PHKG1: variants seen among roughly 807,000 people sequenced by gnomAD.
The protein encoded by PHKG1 is phosphorylase b kinase gamma catalytic chain, skeletal muscle/heart isoform.
PHKG1 carries 48 observed loss-of-function variants against 50.5 expected under a neutral mutation model. That is an observed-to-expected ratio of 0.95 (90% CI 0.75 to 1.21). The LOEUF (loss-of-function observed/expected upper bound fraction) is 1.21, where lower values mean the gene tolerates loss of function less well. Among genes scored for constraint, PHKG1 ranks in the 50% most tolerant of loss-of-function variants. PHKG1 has a pLI of 0.00. For synonymous variants in PHKG1, 204 were observed against 212.8 expected (o/e 0.96, Z 0.36); for missense variants, 487 against 519.5 (o/e 0.94, Z 0.61).
rs759785327 is a variant in PHKG1 at position 56,082,026 on chromosome 7, A to C, written c.659T>G (p.Met220Arg). 6.2e-7 allele frequency: 1 copy of C among 1,613,654 alleles called. No homozygotes were observed. Reference protein sequence around the residue: ...EVDMWSTGVIMYTLLAGSPPF... With the variant: ...EVDMWSTGVIRYTLLAGSPPF... The stretch of plus-strand genomic sequence containing the variant: ...CGGGGAGCCGGCCAGCAGCGTGTAC[A>C]TGATGACGCCAGTGCTCCACCTGGA... The change falls in exon 8 of 10, where the codon ATG becomes AGG. Residue 220 changes from methionine (M) to arginine (R), a missense_variant. Transcript: ENST00000297373.
chr7:56,088,863 C>T lies in PHKG1; in HGVS notation c.79G>A (p.Gly27Ser). 1 of 1,611,608 alleles carries T rather than the reference C, an allele frequency of 6.2e-7. No individual in the cohort carries two copies. The highest frequency in any genetic ancestry group is 8.5e-7 in the Non-Finnish European group (1 of 1,178,448). ...TGGGGAAAGCTTGGGCTTTACCTGC[C>T]CAGGATCTCTTTGGGCTCATAATTC... Reference protein sequence around the residue: ...YENYEPKEILGRGVSSVVRRC... With the variant: ...YENYEPKEILSRGVSSVVRRC... Residue 27 changes from glycine to serine, a missense_variant, in exon 2 of 10, where the codon GGC (glycine) becomes AGC (serine). Gly to Ser is a moderately conservative substitution (Grantham distance 56, BLOSUM62 0). Transcript: ENST00000297373.
rs775045327 is a variant in PHKG1 at position 56,087,773 on chromosome 7, G to C, written c.87C>G (p.Gly29=). 6.2e-7 allele frequency: 1 copy of C among 1,610,074 alleles called. No homozygotes were observed. The highest frequency in any genetic ancestry group is 1.1e-5 in the South Asian group (1 of 91,058). ...NYEPKEILGR[G]VSSVVRRCIH... ...TGCATCGCCTGACCACACTGCTAAC[G>C]CCCCTGGGAGTGCAGAGGACAGATG... The change falls in exon 3 of 10, where the codon GGC becomes GGG. Residue 29 remains glycine (G), a synonymous_variant. Coordinates refer to ENST00000297373, the MANE Select transcript of PHKG1 (RefSeq NM_006213.5).
Position 56,086,258 on chromosome 7 carries a change from A to AC in PHKG1, c.317+711dup, listed in dbSNP as rs538769654. ...CCAAGACCCCCAGTGGATGCCTGAAACCATGGATAGCACTGAAGCCTATAC... is the reference window on the plus strand; with the variant it reads ...CCAAGACCCCCAGTGGATGCCTGAAACCCATGGATAGCACTGAAGCCTATAC... On this transcript the variant is annotated intron_variant, in intron 4 of 9. Coordinates refer to ENST00000297373, the MANE Select transcript of PHKG1 (RefSeq NM_006213.5). 2.6e-4 allele frequency among the ~76,000 whole-genome samples: 39 copies of AC among 152,184 alleles called. 2 individuals carry two copies. The South Asian group carries it at 7.9e-3, about 31-fold the overall frequency.
intron 1 of PHKG1, 60 bp downstream of exon 1, chr7:56,092,776 A>C (rs1796537417): frequency 6.6e-6 from 1 of 152,166 alleles, no homozygotes; most frequent in Admixed American, 6.6e-5. Flanking sequence ...CTCCACCCCC[A>C]GTCCTCCCCG....
intron 7 of PHKG1, 29 bp downstream of exon 7, chr7:56,082,134 G>C (rs766789055): frequency 6.2e-7 from 1 of 1,612,450 alleles, no homozygotes; most frequent in African/African-American, 1.3e-5. Flanking sequence ...CAGCCTAGCT[G>C]GGTGCTCCTC....
chr7:56,082,001 C>T lies in PHKG1; in HGVS notation c.684G>A (p.Pro228=), dbSNP rs370632474. 25 of 1,613,886 alleles carry T rather than the reference C, an allele frequency of 1.5e-5. No individual in the cohort carries two copies. Among genetic ancestry groups the T allele is most frequent in the East Asian group, 1.1e-4 (5 of 44,874 alleles). The part of the protein sequence containing the change: ...VIMYTLLAGS[P]PFWHRKQMLM... ...GCATCTGCTTCCGGTGCCAGAAGGG[C>T]GGGGAGCCGGCCAGCAGCGTGTACA... Residue 228 remains proline, a synonymous_variant, in exon 8 of 10, where the codon CCG becomes CCA. Transcript: ENST00000297373.
At position 56,081,669 on chromosome 7, in the gene PHKG1, C is replaced by T. The variant is rs11238393; in HGVS notation, c.879G>A (p.Val293=). The change falls in exon 9 of 10, where the codon GTG becomes GTA. Residue 293 remains valine, a synonymous_variant. Transcript: ENST00000297373. The surrounding 1 kb of genome is among the most constrained non-coding windows in gnomAD (Gnocchi z 4.6). ...LAHPFFQQYL[V]EEVRHFSPRG... Reference sequence around the variant, plus strand: ...GGGGGCTGAAGTGCCGCACTTCCTCCACCAAGTACTGCTGGAAGAAGGGGT... The same window carrying T: ...GGGGGCTGAAGTGCCGCACTTCCTCTACCAAGTACTGCTGGAAGAAGGGGT... The T allele has an allele frequency of 0.21, 337,622 of 1,613,168 alleles. 37,079 individuals are homozygous for T. The highest frequency in any genetic ancestry group is 0.26 in the Middle Eastern group (1,524 of 5,942).
chr7:56,086,254 T>C (rs1796246003), intron 4 of PHKG1, among the ~76,000 whole-genome samples: 1 of 152,052 alleles, frequency 6.6e-6, no homozygotes, highest in Non-Finnish European at 1.5e-5. Flanking sequence ...AGTGGATGCC[T>C]GAAACCATGG....
At chr7:56,087,195 T>TTA (rs1233050326) in intron 3 of PHKG1, among the ~76,000 whole-genome samples, 171 bp from the exon 4 acceptor site, 1 of 18,336 alleles carries the variant, frequency 5.5e-5, no homozygotes, top group South Asian at 1.2e-3. Context: ...CCCAGGGACT[T>TTA]TATTATTATT....
chr7:56,081,518 G>T lies in PHKG1; in HGVS notation c.918+112C>A. Reference sequence around the variant, plus strand: ...GAAGCCATCACAGGGCAGCTGGGAGGGGAGGGATGGGTACTCTGGAAATTC... The same window carrying T: ...GAAGCCATCACAGGGCAGCTGGGAGTGGAGGGATGGGTACTCTGGAAATTC... On this transcript the variant is annotated intron_variant, in intron 9 of 9. Coordinates refer to ENST00000297373, the MANE Select transcript of PHKG1 (RefSeq NM_006213.5). The surrounding 1 kb of genome is among the most constrained non-coding windows in gnomAD (Gnocchi z 4.6). 1 of 1,336,194 alleles carries T rather than the reference G, an allele frequency of 7.5e-7. No homozygotes were observed. The highest frequency in any genetic ancestry group is 1.0e-6 in the Non-Finnish European group (1 of 960,056). The allele number at this position is 1,336,194 out of a possible 1,614,324, so 82.8% of individuals were successfully genotyped here.
chr7:56,084,235 G>C (rs776449640), intron 4 of PHKG1: 165 of 1,526,640 alleles, frequency 1.1e-4, no homozygotes, highest in Admixed American at 1.6e-4. Flanking sequence ...TTGTATCAGT[G>C]TCTTCCCATC....
In PHKG1 at chr7:56,081,957, A is replaced by T. The variant is rs757583640; in HGVS notation, c.728T>A (p.Met243Lys). ...RKQMLMLRMI[M>K]SGNYQFGSPE... ...CGAGCCAAACTGGTAGTTGCCGCTCATGATCATCCTCAGCATCAGCATCTG... is the reference window on the plus strand; with the variant it reads ...CGAGCCAAACTGGTAGTTGCCGCTCTTGATCATCCTCAGCATCAGCATCTG... The change falls in exon 8 of 10, where the codon ATG becomes AAG. Residue 243 changes from methionine (M) to lysine (K), a missense_variant. By Grantham distance (95) the Met-to-Lys change is moderately conservative. Transcript: ENST00000297373. This position sits in a 1 kb window ranked among gnomAD's most constrained non-coding sequence, Gnocchi z 4.6. 2.5e-6 allele frequency: 4 copies of T among 1,613,962 alleles called. No homozygotes were observed. The highest frequency in any genetic ancestry group is 2.5e-6 in the Non-Finnish European group (3 of 1,180,024).
intron 4 of PHKG1, chr7:56,084,155 CT>C (rs1796149078): frequency 2.6e-6 from 4 of 1,526,192 alleles, no homozygotes; most frequent in Non-Finnish European, 3.5e-6. Context: ...GTACCTTGCC[CT>C]GCCCTGGGCC....
chr7:56,081,966 C>G lies in PHKG1; in HGVS notation c.719G>C (p.Arg240Thr). 2 of 1,613,928 alleles carry G rather than the reference C, an allele frequency of 1.2e-6. No homozygotes were observed. ...CTGGTAGTTGCCGCTCATGATCATC[C>G]TCAGCATCAGCATCTGCTTCCGGTG... ...FWHRKQMLML[R>T]MIMSGNYQFG... Residue 240 changes from arginine (R) to threonine (T), a missense_variant, in exon 8 of 10, where the codon AGG becomes ACG. Physicochemically the swap from Arg to Thr is moderately conservative, Grantham distance 71 (BLOSUM62 -1). Transcript: ENST00000297373. This position sits in a 1 kb window ranked among gnomAD's most constrained non-coding sequence, Gnocchi z 4.6.
rs1796157177 is a variant in PHKG1 at position 56,084,332 on chromosome 7, G to C, written c.318-617C>G. 5.5e-6 allele frequency: 4 copies of C among 732,516 alleles called. No individual in the cohort carries two copies. In the South Asian group the frequency reaches 6.4e-5, roughly 12 times the overall value. The allele number at this position is 732,516 out of a possible 1,614,324, so 45.4% of individuals were successfully genotyped here. A position where few individuals can be genotyped will look rare whatever the true frequency, so the allele number is the denominator to read the frequency against. On this transcript the variant is annotated intron_variant, in intron 4 of 9. Coordinates refer to ENST00000297373, the MANE Select transcript of PHKG1 (RefSeq NM_006213.5). ...GAGGGGACTATGAACCACTGGCCCA[G>C]GACCCCAGACCCAGATCAGAAGGAC...
At chr7:56,092,259 C>G (rs185245767) in intron 1 of PHKG1, among the ~76,000 whole-genome samples, 2 of 152,246 alleles carry the variant, frequency 1.3e-5, no homozygotes, top group East Asian at 3.9e-4. Flanking sequence ...GACAGGGTCA[C>G]CACATGGGAG....
intron 2 of PHKG1, among the ~76,000 whole-genome samples, chr7:56,088,351 T>C (rs77850499): frequency 0.019 from 858 of 44,884 alleles, 4 homozygotes; most frequent in Non-Finnish European, 0.034. Flanking sequence ...TGGCCCCCCC[T>C]TTTTAAAAAA....
At chr7:56,084,681 C>T (rs1018008768) in intron 4 of PHKG1, among the ~76,000 whole-genome samples, 15 of 151,938 alleles carry the variant, frequency 9.9e-5, no homozygotes, top group Admixed American at 3.3e-4. Flanking sequence ...CCGAGTATCC[C>T]GATTTTTTCC....
At chr7:56,089,089 T>C (rs1796389638) in intron 1 of PHKG1, 114 bp from the exon 2 acceptor site, 7 of 583,792 alleles carry the variant, frequency 1.2e-5, no homozygotes, top group Admixed American at 2.9e-5. Flanking sequence ...CACTGGCCTA[T>C]AGTGAATGTT....
Sources: gnomAD v4.1 joint callset for allele counts (sites outside exome capture counted in the v4.1 genomes callset) on GRCh38, gnomAD v4.1.1 for gene constraint, Gnocchi (gnomAD v3.1) non-coding constraint, MANE v1.5 for transcripts, NCBI Gene and HGNC (gene_info 2026-07-23, HGNC 2026-07-21) for gene names.